The following GINS1 variants were observed in gnomAD, a reference collection of about 807,000 sequenced individuals.
GINS1 encodes DNA replication complex GINS protein PSF1.
GINS1 carries 26 observed loss-of-function variants against 34.9 expected under a neutral mutation model. The observed-to-expected ratio is 0.74, with a 90% CI of 0.55 to 1.03. The LOEUF (loss-of-function observed/expected upper bound fraction) is 1.03, where lower values mean the gene tolerates loss of function less well. Ranked by LOEUF, GINS1 falls within the 50% of genes least tolerant of loss-of-function variation. The pLI is 0.00. For missense variants in GINS1, 235 were observed against 237.9 expected (o/e 0.99, Z 0.08); for synonymous variants, 97 against 84.4 (o/e 1.15, Z -0.82).
chr20:25,427,893 T>A (rs994739793), intron 5 of GINS1, among the ~76,000 whole-genome samples: 14 of 131,868 alleles, frequency 1.1e-4, no homozygotes, highest in Admixed American at 1.7e-4. Context: ...TTTTTTGAGA[T>A]GGAATTTTGC....
chr20:25,430,226 A>G (rs2090419421), intron 5 of GINS1, among the ~76,000 whole-genome samples: 1 of 151,820 alleles, frequency 6.6e-6, no homozygotes, highest in African/African-American at 2.4e-5. Context: ...TCAGTCTTTC[A>G]CCATTGAATA....
intron 5 of GINS1, among the ~76,000 whole-genome samples, chr20:25,429,812 T>A (rs1451319329): frequency 2.0e-5 from 3 of 152,266 alleles, no homozygotes. Flanking sequence ...TTTCTTTTTC[T>A]TGTCTAATTA....
At chr20:25,428,875 C>T (rs757477022) in intron 5 of GINS1, among the ~76,000 whole-genome samples, 5 of 150,678 alleles carry the variant, frequency 3.3e-5, no homozygotes, top group Non-Finnish European at 5.9e-5. Flanking sequence ...ATATATACAT[C>T]TGTCTTTATG....
intron 5 of GINS1, among the ~76,000 whole-genome samples, chr20:25,429,537 C>T (rs931288160): frequency 3.9e-5 from 6 of 152,098 alleles, no homozygotes; most frequent in African/African-American, 1.4e-4. Flanking sequence ...TCTTTCTCCT[C>T]TTTCGTTAAT....
At chr20:25,430,627 T>C (rs1302383087) in intron 5 of GINS1, among the ~76,000 whole-genome samples, 3 of 152,146 alleles carry the variant, frequency 2.0e-5, no homozygotes, top group Non-Finnish European at 2.9e-5. Flanking sequence ...GCCTCCTGGG[T>C]TCAAGCGATT....
At chr20:25,444,976 C>T (rs916740871) in intron 6 of GINS1, among the ~76,000 whole-genome samples, 3 of 152,188 alleles carry the variant, frequency 2.0e-5, no homozygotes, top group African/African-American at 7.2e-5. Context: ...TTTCATGGGT[C>T]TTCTTGATAG....
chr20:25,421,051 C>G lies in GINS1; in HGVS notation c.330+2856C>G, dbSNP rs1686672254. On this transcript the variant is annotated intron_variant, in intron 4 of 6. Transcript: ENST00000262460. ...ATGTCATCATAGGTATCTGTATTAC[C>G]CAAGGATAGTGCTTCAATGGGTGAC... The G allele has an allele frequency of 2.7e-5, 19 of 703,896 alleles. No homozygotes were observed. In the South Asian group the frequency reaches 1.1e-3, roughly 40 times the overall value. 43.6% of individuals were successfully genotyped at this position (703,896 alleles called of 1,614,324 possible).
At chr20:25,433,139 T>G (rs1419313289) in intron 5 of GINS1, among the ~76,000 whole-genome samples, 1 of 152,072 alleles carries the variant, frequency 6.6e-6, no homozygotes, top group Non-Finnish European at 1.5e-5. Flanking sequence ...ATCTCTGTCT[T>G]TTGCTTAAAG....
At chr20:25,419,318 C>A (rs2090340060) in intron 4 of GINS1, among the ~76,000 whole-genome samples, 1 of 150,094 alleles carries the variant, frequency 6.7e-6, no homozygotes, top group Non-Finnish European at 1.5e-5. Flanking sequence ...CCTGCACGTT[C>A]AGCACATGTA....
chr20:25,422,737 G>C (rs1214351178), intron 4 of GINS1, among the ~76,000 whole-genome samples: 1 of 152,138 alleles, frequency 6.6e-6, no homozygotes, highest in Non-Finnish European at 1.5e-5. Context: ...ATATTTTTGA[G>C]ATTCTAATCT....
intron 1 of GINS1, among the ~76,000 whole-genome samples, chr20:25,411,459 T>A (rs1210934279): frequency 6.6e-6 from 1 of 152,120 alleles, no homozygotes. Context: ...GAAAAAGAGA[T>A]GGGATTGCTT....
Position 25,446,557 on chromosome 20 carries a change from A to C in GINS1, c.*566A>C, listed in dbSNP as rs963781164. 1 of 152,284 alleles carries C rather than the reference A, an allele frequency of 6.6e-6. No homozygotes were observed. The highest frequency in any genetic ancestry group is 2.4e-5 in the African/African-American group (1 of 41,476). 9.4% of individuals were successfully genotyped at this position (152,284 alleles called of 1,614,324 possible). ...TCTGAGATACACATTTTCAAATCAC[A>C]TGCAAGTGAAGATGATGGTCTGTAG... On this transcript the variant is annotated 3_prime_UTR_variant, in exon 7 of 7. Transcript: ENST00000262460.
intron 5 of GINS1, 97 bp from the exon 6 acceptor site, chr20:25,441,605 C>T: frequency 1.5e-6 from 1 of 667,262 alleles, no homozygotes; most frequent in Non-Finnish European, 2.7e-6. Flanking sequence ...CAAACAAAGT[C>T]CTTATTGTCT....
chr20:25,420,207 C>T (rs2090346456), intron 4 of GINS1, among the ~76,000 whole-genome samples: 1 of 152,090 alleles, frequency 6.6e-6, no homozygotes. Context: ...GATCTTGGCT[C>T]ACTGAAACCT....
At chr20:25,430,656 A>G (rs924119201) in intron 5 of GINS1, among the ~76,000 whole-genome samples, 3 of 152,214 alleles carry the variant, frequency 2.0e-5, no homozygotes, top group African/African-American at 4.8e-5. Context: ...TCAGCCTCCC[A>G]AGTAGCTGCG....
chr20:25,438,852 G>A (rs1351951719), intron 5 of GINS1, among the ~76,000 whole-genome samples: 4 of 152,118 alleles, frequency 2.6e-5, no homozygotes, highest in Admixed American at 2.6e-4. Flanking sequence ...GGGAATACGG[G>A]CATGAGCCAC....
intron 5 of GINS1, among the ~76,000 whole-genome samples, chr20:25,428,697 C>T (rs1600933987): frequency 6.6e-6 from 1 of 151,978 alleles, no homozygotes; most frequent in South Asian, 2.1e-4. Flanking sequence ...AGCCACCGCA[C>T]CCGGCCTCCA....
At chr20:25,413,538 TG>T (rs1720170312) in intron 1 of GINS1, 2 of 451,176 alleles carry the variant, frequency 4.4e-6, no homozygotes, top group Non-Finnish European at 7.9e-6. Context: ...TAATTCTGTG[TG>T]TAGCTTTTGA....
chr20:25,413,869 A>T lies in GINS1; in HGVS notation c.140+15A>T. 1 of 1,411,124 alleles carries T rather than the reference A, an allele frequency of 7.1e-7. No homozygotes were observed. The highest frequency in any genetic ancestry group is 1.0e-6 in the Non-Finnish European group (1 of 994,478). The allele number at this position is 1,411,124 out of a possible 1,614,324, so 87.4% of individuals were successfully genotyped here. On this transcript the variant is annotated intron_variant, in intron 2 of 6. Transcript: ENST00000262460. ...CAGTCTGATGTGTAAGTTTCATAAG[A>T]TGATATTCTAAAACAATTCAATAAT...
Sources: gnomAD v4.1 joint callset for allele counts (sites outside exome capture counted in the v4.1 genomes callset) on GRCh38, gnomAD v4.1.1 for gene constraint, MANE v1.5 for transcripts, NCBI Gene and HGNC (gene_info 2026-07-23, HGNC 2026-07-21) for gene names.